RASAL2: variants seen among roughly 807,000 people sequenced by gnomAD.
RASAL2 encodes the protein RAS protein activator like 2.
Under a neutral mutation model 128.9 loss-of-function variants are expected in RASAL2, and 58 were observed. The ratio of observed to expected loss-of-function variants is 0.45; its 90% CI spans 0.36 to 0.56. RASAL2 has a LOEUF of 0.56. Ranked by LOEUF, RASAL2 falls within the 20% of genes least tolerant of loss-of-function variation. RASAL2 has a pLI of 0.00. For synonymous variants in RASAL2, 561 were observed against 580.8 expected (o/e 0.97, Z 0.49); for missense variants, 1,360 against 1,601.6 (o/e 0.85, Z 2.57).
chr1:178,342,530 G>T (rs190240588), intron 3 of RASAL2, among the ~76,000 whole-genome samples: 4 of 152,198 alleles, frequency 2.6e-5, no homozygotes, highest in Admixed American at 2.0e-4. Flanking sequence ...ATTGATACAT[G>T]CTCTTGACCA....
intron 1 of RASAL2, among the ~76,000 whole-genome samples, chr1:178,223,676 G>GT (rs1230647907): frequency 1.3e-5 from 2 of 152,110 alleles, no homozygotes; most frequent in Non-Finnish European, 2.9e-5. Context: ...TAGGAAAAAT[G>GT]TTTTTTGGTG....
intron 1 of RASAL2, among the ~76,000 whole-genome samples, chr1:178,225,377 A>G (rs1257705376): frequency 2.0e-5 from 3 of 151,994 alleles, no homozygotes; most frequent in Admixed American, 6.6e-5. Flanking sequence ...TTCTTGATGC[A>G]TATGATTCTA....
intron 3 of RASAL2, among the ~76,000 whole-genome samples, chr1:178,325,545 TTAAAA>T (rs1307282608): frequency 1.3e-5 from 2 of 152,144 alleles, no homozygotes; most frequent in Non-Finnish European, 2.9e-5. Context: ...TGGGTGTGAC[TTAAAA>T]TAAGAAGAGA....
At chr1:178,462,580 TTTTA>T (rs1475369641) in intron 14 of RASAL2, among the ~76,000 whole-genome samples, 3 of 152,184 alleles carry the variant, frequency 2.0e-5, no homozygotes, top group Non-Finnish European at 4.4e-5. Context: ...AATAACTATT[TTTTA>T]TTTATTCTAT....
intron 1 of RASAL2, among the ~76,000 whole-genome samples, chr1:178,282,779 A>G (rs1361022924): frequency 6.6e-6 from 1 of 152,228 alleles, no homozygotes; most frequent in African/African-American, 2.4e-5. Flanking sequence ...TCGAACTGTC[A>G]TAAAAGCTTT....
chr1:178,373,274 C>CTTTT (rs60835442), intron 3 of RASAL2, among the ~76,000 whole-genome samples: 3 of 60,060 alleles, frequency 5.0e-5, no homozygotes, highest in Admixed American at 2.3e-4. Flanking sequence ...TGTTTCTTTC[C>CTTTT]TTTTTTTTTT....
chr1:178,271,797 T>G (rs957311313), intron 1 of RASAL2, among the ~76,000 whole-genome samples: 1 of 152,234 alleles, frequency 6.6e-6, no homozygotes, highest in Non-Finnish European at 1.5e-5. Flanking sequence ...CCTGGTTTAT[T>G]GGGCTTTGCA....
intron 1 of RASAL2, among the ~76,000 whole-genome samples, chr1:178,137,840 A>G (rs1418389709): frequency 6.6e-6 from 1 of 152,208 alleles, no homozygotes. Context: ...TTAAATGTAT[A>G]CCAAATAACT....
At chr1:178,225,304 A>G (rs1249828494) in intron 1 of RASAL2, among the ~76,000 whole-genome samples, 2 of 152,008 alleles carry the variant, frequency 1.3e-5, no homozygotes, top group African/African-American at 4.8e-5. Context: ...AATTTGATAT[A>G]TGATAGAAAT....
chr1:178,284,948 CCCTA>C (rs1312314616), intron 2 of RASAL2, among the ~76,000 whole-genome samples: 1 of 152,050 alleles, frequency 6.6e-6, no homozygotes, highest in Middle Eastern at 3.4e-3. Flanking sequence ...CTCTGTGGAT[CCCTA>C]CCTCCCCTTT....
Position 178,411,775 on chromosome 1 carries a change from G to A in RASAL2, c.565-8736G>A, listed in dbSNP as rs1302910616. The A allele has an allele frequency of 8.9e-6, 7 of 785,742 alleles. No homozygotes were observed. In the African/African-American group the frequency reaches 1.0e-4, roughly 11 times the overall value. The allele number at this position is 785,742 out of a possible 1,614,324, so 48.7% of individuals were successfully genotyped here. A position where few individuals can be genotyped will look rare whatever the true frequency, so the allele number is the denominator to read the frequency against. ...AGACCGAGATGAATCCTCGCCATGT[G>A]CTGCTTTTTTGGCTGCCCAGGATGT... On this transcript the variant is annotated intron_variant, in intron 4 of 17. Coordinates refer to ENST00000367649, the MANE Select transcript of RASAL2 (RefSeq NM_170692.4).
chr1:178,445,373 C>T (rs981546666), intron 8 of RASAL2, 145 bp from the exon 9 acceptor site: 1 of 932,944 alleles, frequency 1.1e-6, no homozygotes, highest in Non-Finnish European at 1.6e-6. Context: ...AACATTTTAT[C>T]CTGATTGCTT....
rs564245656 is a variant in RASAL2, at chr1:178,148,326, G to A, written c.202+53632G>A. 3.6e-3 allele frequency among the ~76,000 whole-genome samples: 551 copies of A among 152,168 alleles called. 1 individual carries two copies. Among genetic ancestry groups the A allele is most frequent in the Middle Eastern group, 6.8e-3 (2 of 294 alleles). On this transcript the variant is annotated intron_variant, in intron 1 of 17. Coordinates refer to ENST00000367649, the MANE Select transcript of RASAL2 (RefSeq NM_170692.4). ...AAGTTTTATGTATACACTATAAATTGTCTGGAGGAAAGCCATTTAGTTAGC... is the reference window on the plus strand; with the variant it reads ...AAGTTTTATGTATACACTATAAATTATCTGGAGGAAAGCCATTTAGTTAGC...
intron 1 of RASAL2, among the ~76,000 whole-genome samples, chr1:178,112,323 G>A (rs967029357): frequency 2.0e-5 from 3 of 152,124 alleles, no homozygotes; most frequent in East Asian, 3.9e-4. Context: ...AGGCCAAGGC[G>A]GGTGGATCAC....
chr1:178,464,195 AT>A, intron 14 of RASAL2, 82 bp from the exon 15 acceptor site: 1 of 1,455,144 alleles, frequency 6.9e-7, no homozygotes, highest in Non-Finnish European at 9.2e-7. Flanking sequence ...ATCACAGTTA[AT>A]GTCTTCCAAG....
chr1:178,228,429 A>C (rs1663870754), intron 1 of RASAL2, among the ~76,000 whole-genome samples: 1 of 152,006 alleles, frequency 6.6e-6, no homozygotes, highest in Admixed American at 6.6e-5. Context: ...AAAATACAAA[A>C]AAAATTAGCC....
chr1:178,284,691 TA>T (rs534867526), intron 2 of RASAL2, among the ~76,000 whole-genome samples: 23 of 152,316 alleles, frequency 1.5e-4, no homozygotes, highest in Admixed American at 9.8e-4. Flanking sequence ...TCTGGTATGA[TA>T]AAACTACTCT....
chr1:178,299,756 A>G lies in RASAL2; in HGVS notation c.331-236A>G, dbSNP rs561992757. On this transcript the variant is annotated intron_variant, in intron 2 of 17. Transcript: ENST00000367649. ...GTTATCCACCCACCTCAGCCTCCCAAAGTGCTGGGATTACAGGCGTGAGTC... is the reference window on the plus strand; with the variant it reads ...GTTATCCACCCACCTCAGCCTCCCAGAGTGCTGGGATTACAGGCGTGAGTC... Among the ~76,000 whole-genome samples, 155 of 152,150 alleles carry G rather than the reference A, an allele frequency of 1.0e-3. No homozygotes were observed. The highest frequency in any genetic ancestry group is 3.0e-3 in the African/African-American group (126 of 41,520).
At chr1:178,167,860 AC>A (rs1193968445) in intron 1 of RASAL2, among the ~76,000 whole-genome samples, 1 of 151,932 alleles carries the variant, frequency 6.6e-6, no homozygotes, top group East Asian at 1.9e-4. Context: ...TGCGATTAAA[AC>A]CTGTGTTGCT....
Sources: allele counts gnomAD v4.1 joint callset (sites outside exome capture counted in the v4.1 genomes callset), GRCh38; gene constraint gnomAD v4.1.1; transcripts MANE v1.5; gene names NCBI Gene and HGNC (gene_info 2026-07-23, HGNC 2026-07-21).